Variants in DOCK5 observed in about 807,000 individuals in gnomAD.
DOCK5 encodes the protein dedicator of cytokinesis protein 5.
Under a neutral mutation model 251.8 loss-of-function variants are expected in DOCK5, and 142 were observed. The ratio of observed to expected loss-of-function variants is 0.56; its 90% CI spans 0.49 to 0.65. DOCK5 has a LOEUF of 0.65. DOCK5 is among the 30% of genes least tolerant of loss of function. DOCK5 has a pLI of 0.00. For synonymous variants in DOCK5, 842 were observed against 835.5 expected (o/e 1.01, Z -0.13); for missense variants, 2,111 against 2,312.3 (o/e 0.91, Z 1.79).
rs1466561670 is a variant in DOCK5, at chr8:25,389,208, G to A, written c.4249G>A (p.Asp1417Asn). 6.2e-7 allele frequency: 1 copy of A among 1,613,866 alleles called. No homozygotes were observed. Among genetic ancestry groups the A allele is most frequent in the African/African-American group, 1.3e-5 (1 of 74,924 alleles). ...KMTSTTPPGE[D>N]IKSSPKQYMQ... ...GACCAGTACCACGCCTCCTGGGGAA[G>A]ACATCAAGTCGTCCCCCAAGCAGTG... is the stretch of plus-strand genomic sequence containing the variant. Residue 1417 changes from aspartate (D) to asparagine (N), a missense_variant, in exon 41 of 52, where the codon GAC becomes AAC. Around this residue, in one of 3 missense-constraint regions of DOCK5, gnomAD observed 1,717 missense variants for 1,892.4 expected, o/e 0.91. Coordinates refer to ENST00000276440, the MANE Select transcript of DOCK5 (RefSeq NM_024940.8).
intron 13 of DOCK5, among the ~76,000 whole-genome samples, chr8:25,311,137 T>G (rs923799309): frequency 2.6e-5 from 4 of 152,270 alleles, no homozygotes; most frequent in Non-Finnish European, 5.9e-5. Flanking sequence ...CTCTGGAATT[T>G]GCTGACTTCG....
chr8:25,321,318 C>G (rs1301587991), intron 16 of DOCK5, among the ~76,000 whole-genome samples: 1 of 152,154 alleles, frequency 6.6e-6, no homozygotes, highest in East Asian at 1.9e-4. Flanking sequence ...ATCTTTGGCA[C>G]CAGAGACTGG....
At chr8:25,294,144 C>G (rs1210003323) in intron 6 of DOCK5, among the ~76,000 whole-genome samples, 1 of 152,160 alleles carries the variant, frequency 6.6e-6, no homozygotes, top group Non-Finnish European at 1.5e-5. Flanking sequence ...TGTTCACACC[C>G]CACAAACGGC....
intron 1 of DOCK5, among the ~76,000 whole-genome samples, chr8:25,229,805 T>C (rs972606722): frequency 1.3e-5 from 2 of 152,200 alleles, no homozygotes; most frequent in Non-Finnish European, 2.9e-5. Flanking sequence ...TAAAAGGTAA[T>C]TGGTCATTTG....
Position 25,226,151 on chromosome 8 carries a change from CAT to C in DOCK5, c.44-17521_44-17520del, listed in dbSNP as rs538466594. ...TGTTTATTAGTTAAAATGAAACAAA[CAT>C]AGAAATAAATTAAGAAAAAAGTAAA... On this transcript the variant is annotated intron_variant, in intron 1 of 51. Transcript: ENST00000276440. Among the ~76,000 whole-genome samples the C allele has an allele frequency of 2.0e-3, 294 of 149,966 alleles. 2 individuals are homozygous for C. The highest frequency in any genetic ancestry group is 6.8e-3 in the African/African-American group (276 of 40,676).
At chr8:25,309,054 C>A in intron 12 of DOCK5, 129 bp downstream of exon 12, 2 of 1,230,306 alleles carry the variant, frequency 1.6e-6, no homozygotes, top group African/African-American at 1.5e-5. Flanking sequence ...GACCATCCCC[C>A]TCAGCTTCCA....
intron 21 of DOCK5, among the ~76,000 whole-genome samples, chr8:25,334,582 A>G (rs1323285065): frequency 1.3e-5 from 2 of 152,150 alleles, no homozygotes; most frequent in East Asian, 1.9e-4. Context: ...GTGGTGACAC[A>G]CACCTGTAGT....
At chr8:25,202,400 C>G (rs1042349174) in intron 1 of DOCK5, among the ~76,000 whole-genome samples, 4 of 152,162 alleles carry the variant, frequency 2.6e-5, no homozygotes, top group Non-Finnish European at 5.9e-5. Flanking sequence ...GGGTGGTACT[C>G]ACTCACTGGC....
At chr8:25,239,630 C>T (rs1301415405) in intron 1 of DOCK5, among the ~76,000 whole-genome samples, 3 of 151,992 alleles carry the variant, frequency 2.0e-5, no homozygotes, top group Non-Finnish European at 4.4e-5. Context: ...AACTAGCAGG[C>T]AGAGCATTTG....
At position 25,313,304 on chromosome 8, in the gene DOCK5, A is replaced by G. The variant is rs186654409; in HGVS notation, c.1318+2772A>G. On this transcript the variant is annotated intron_variant, in intron 13 of 51. Transcript: ENST00000276440. ...CTGCCAGCCCCACTCCAGCCTCTCA[A>G]GAGTAGCTCTCATGAGAGTCACCCA... Among the ~76,000 whole-genome samples the G allele has an allele frequency of 1.8e-3, 275 of 152,218 alleles. 1 individual carries two copies. Among genetic ancestry groups the G allele is most frequent in the Middle Eastern group, 0.017 (5 of 294 alleles).
chr8:25,347,302 C>T (rs893001851), intron 26 of DOCK5, among the ~76,000 whole-genome samples: 6 of 152,268 alleles, frequency 3.9e-5, no homozygotes, highest in Admixed American at 1.3e-4. Flanking sequence ...CTAGCTGCTC[C>T]GCCAATCTCT....
At chr8:25,308,621 A>T in intron 11 of DOCK5, 162 bp from the exon 12 acceptor site, 1 of 831,314 alleles carries the variant, frequency 1.2e-6, no homozygotes, top group Non-Finnish European at 1.8e-6. Context: ...TTTAGTATTT[A>T]AGATGACACA....
chr8:25,255,566 G>C (rs1437112438), intron 2 of DOCK5, among the ~76,000 whole-genome samples: 1 of 152,160 alleles, frequency 6.6e-6, no homozygotes, highest in East Asian at 1.9e-4. Flanking sequence ...AATTTTTAGA[G>C]CAGTAAATCT....
At chr8:25,385,346 G>A (rs1801146556) in intron 40 of DOCK5, among the ~76,000 whole-genome samples, 1 of 152,170 alleles carries the variant, frequency 6.6e-6, no homozygotes, top group Non-Finnish European at 1.5e-5. Context: ...GAGATGACAG[G>A]CTAGACTCGG....
chr8:25,284,493 C>A, intron 5 of DOCK5, among the ~76,000 whole-genome samples: 1 of 152,214 alleles, frequency 6.6e-6, no homozygotes, highest in Non-Finnish European at 1.5e-5. Context: ...CAGATAATGT[C>A]TAGCCTCCCT....
At chr8:25,267,168 G>T (rs1445913178) in intron 2 of DOCK5, among the ~76,000 whole-genome samples, 2 of 152,108 alleles carry the variant, frequency 1.3e-5, no homozygotes, top group African/African-American at 4.8e-5. Context: ...GAGACCTGGG[G>T]AGAAATGCTT....
Position 25,336,296 on chromosome 8 carries a change from T to C in DOCK5, c.2250T>C (p.Thr750=). 1 of 1,613,982 alleles carries C rather than the reference T, an allele frequency of 6.2e-7. No homozygotes were observed. Among genetic ancestry groups the C allele is most frequent in the Non-Finnish European group, 8.5e-7 (1 of 1,179,860 alleles). The change falls in exon 22 of 52, where the codon ACT becomes ACC. Residue 750 remains threonine (T), a synonymous_variant. Transcript: ENST00000276440. The part of the protein sequence containing the change: ...YVANADDSSK[T]ELLFAALKAL... ...CTAATGCAGATGACTCCAGCAAGAC[T>C]GAACTGCTTTTTGCTGCGTTGAAAG...
intron 1 of DOCK5, 101 bp downstream of exon 1, chr8:25,185,052 C>CG (rs1431512838): frequency 8.2e-7 from 1 of 1,218,442 alleles, no homozygotes; most frequent in Non-Finnish European, 1.0e-6. Flanking sequence ...GGACCCTGGC[C>CG]GGGGGCTCGG....
At chr8:25,310,359 T>C in intron 12 of DOCK5, 48 bp from the exon 13 acceptor site, 1 of 1,563,016 alleles carries the variant, frequency 6.4e-7, no homozygotes, top group Non-Finnish European at 8.6e-7. Flanking sequence ...CGCATGTGTT[T>C]TATACATCAT....
Sources: allele counts gnomAD v4.1 joint callset (sites outside exome capture counted in the v4.1 genomes callset), GRCh38; gene constraint gnomAD v4.1.1; regional missense constraint gnomAD v4.1.1; transcripts MANE v1.5; gene names NCBI Gene and HGNC (gene_info 2026-07-23, HGNC 2026-07-21).